The following DEF8 variants were observed in gnomAD, a reference collection of about 807,000 sequenced individuals.
The protein encoded by DEF8 is DEF-8.
DEF8 carries 38 observed loss-of-function variants against 59.1 expected under a neutral mutation model. The ratio of observed to expected loss-of-function variants is 0.64; its 90% CI spans 0.50 to 0.84. The LOEUF is 0.84. Among genes scored for constraint, DEF8 ranks in the 40% least tolerant of loss-of-function variants. The pLI is 0.00. For missense variants in DEF8, 557 were observed against 615.2 expected, an observed-to-expected ratio of 0.91 and a Z score of 1.00; for synonymous variants, 265 against 250.1, an observed-to-expected ratio of 1.06 and a Z score of -0.56.
rs755092309 is a variant in DEF8, at chr16:89,959,004, C to G, written c.373-10C>G. Reference sequence around the variant, plus strand: ...CACCTGTGACCCCCTCCCTGACTCACCCTCTGCAGGACCCCAATGAGGATG... The same window carrying G: ...CACCTGTGACCCCCTCCCTGACTCAGCCTCTGCAGGACCCCAATGAGGATG... On this transcript the variant is annotated splice_polypyrimidine_tract_variant and intron_variant, in intron 5 of 12. Transcript: ENST00000563594. 1.2e-6 allele frequency: 2 copies of G among 1,609,638 alleles called. No homozygotes were observed. The highest frequency in any genetic ancestry group is 8.5e-7 in the Non-Finnish European group (1 of 1,179,932).
chr16:89,953,643 C>G (rs1413092373), intron 2 of DEF8, among the ~76,000 whole-genome samples: 5 of 152,174 alleles, frequency 3.3e-5, no homozygotes, highest in Non-Finnish European at 7.3e-5. Context: ...ATCCCCTGCT[C>G]CTGGGCATGG....
chr16:89,961,305 A>C (rs1055457667), intron 7 of DEF8, among the ~76,000 whole-genome samples: 41 of 152,108 alleles, frequency 2.7e-4, no homozygotes, highest in African/African-American at 8.7e-4. Flanking sequence ...TCCGTGACTC[A>C]CCCAGGTCAC....
At position 89,961,718 on chromosome 16, in the gene DEF8, G is replaced by A. The variant is rs1421559910; in HGVS notation, c.680-19G>A. 6.2e-7 allele frequency: 1 copy of A among 1,612,148 alleles called. No homozygotes were observed. The highest frequency in any genetic ancestry group is 1.7e-5 in the Admixed American group (1 of 59,980). ...GTTTTTGTGAGGCAGGGACACTCAG[G>A]GCCCCTCTGACCCTGCAGGGGGTGT... On this transcript the variant is annotated intron_variant, in intron 7 of 12. Transcript: ENST00000563594.
chr16:89,951,194 G>T (rs1481805223), intron 2 of DEF8, among the ~76,000 whole-genome samples: 1 of 152,096 alleles, frequency 6.6e-6, no homozygotes, highest in African/African-American at 2.4e-5. Flanking sequence ...AGCAGAGTTG[G>T]GATTCAAGCT....
chr16:89,949,636 C>G (rs1429612428), intron 2 of DEF8, 123 bp downstream of exon 2: 7 of 1,609,270 alleles, frequency 4.3e-6, no homozygotes, highest in Middle Eastern at 3.3e-4. Flanking sequence ...CGCGGGAGGC[C>G]AGGTCCGTGC....
chr16:89,965,909 C>T lies in DEF8; in HGVS notation c.1302C>T (p.Leu434=), dbSNP rs768224225. ...CCACTTGTCCCAAGTGTGCCCGGCT[C>T]AGCCTGAGGAAGCAGTCGCTCTTCC... ...NSTTCPKCAR[L]SLRKQSLFQE... Residue 434 remains leucine, a synonymous_variant, in exon 13 of 13, where the codon CTC becomes CTT. Coordinates refer to ENST00000563594, the MANE Select transcript of DEF8 (RefSeq NM_001242818.2). 3 of 1,613,778 alleles carry T rather than the reference C, an allele frequency of 1.9e-6. No homozygotes were observed. Among genetic ancestry groups the T allele is most frequent in the South Asian group, 1.1e-5 (1 of 91,066 alleles).
chr16:89,961,613 A>G, intron 7 of DEF8, 124 bp from the exon 8 acceptor site: 2 of 1,232,944 alleles, frequency 1.6e-6, no homozygotes, highest in Non-Finnish European at 2.3e-6. Flanking sequence ...CTTCCGGCTG[A>G]GGATAGGACA....
intron 2 of DEF8, among the ~76,000 whole-genome samples, chr16:89,951,405 C>T (rs560030069): frequency 1.2e-4 from 18 of 152,156 alleles, no homozygotes; most frequent in Non-Finnish European, 2.4e-4. Flanking sequence ...CCACCACGCC[C>T]GGCTAATTTT....
intron 4 of DEF8, among the ~76,000 whole-genome samples, chr16:89,956,231 C>T (rs572261438): frequency 9.9e-5 from 15 of 152,046 alleles, no homozygotes; most frequent in African/African-American, 2.4e-4. Flanking sequence ...CCGAGGCGGG[C>T]GGATCGTGAG....
rs1267313708 is a variant in DEF8, at chr16:89,964,588, T to A, written c.1253+13T>A. On this transcript the variant is annotated intron_variant, in intron 12 of 12. Coordinates refer to ENST00000563594, the MANE Select transcript of DEF8 (RefSeq NM_001242818.2). ...CGGTCTTCCACAGGTGGGTGTGGCC[T>A]GGGCCCCGCACTCGGGGGCTGGGGC... The A allele has an allele frequency of 5.8e-6, 9 of 1,546,438 alleles. No homozygotes were observed. The highest frequency in any genetic ancestry group is 7.9e-6 in the Non-Finnish European group (9 of 1,146,306).
rs774175272 is a variant in DEF8 at position 89,949,486 on chromosome 16, A to T, written c.-38A>T. The T allele has an allele frequency of 4.3e-6, 7 of 1,612,758 alleles. No homozygotes were observed. In the East Asian group the frequency reaches 1.6e-4, roughly 36 times the overall value. ...GAGGAATGGCCATCCTGTCCCTGCG[A>T]GCCCCTGGGCCCTGGCAGGCGATGC... On this transcript the variant is annotated 5_prime_UTR_variant, in exon 2 of 13. Coordinates refer to ENST00000563594, the MANE Select transcript of DEF8 (RefSeq NM_001242818.2).
In DEF8 at chr16:89,967,377, G is replaced by GTC. The variant is rs2034656126; in HGVS notation, c.*1417_*1418dup. On this transcript the variant is annotated 3_prime_UTR_variant, in exon 13 of 13. Transcript: ENST00000563594. The stretch of plus-strand genomic sequence containing the variant: ...TTCCAGGAGTGGGAGAGACGGCAGG[G>GTC]TCTCCTCTTTGTCCTCCGGCATCAG... The GTC allele has an allele frequency of 2.5e-6, 1 of 398,670 alleles. No homozygotes were observed. Among genetic ancestry groups the GTC allele is most frequent in the Non-Finnish European group, 4.4e-6 (1 of 226,088 alleles). The allele number at this position is 398,670 out of a possible 1,614,324, so 24.7% of individuals were successfully genotyped here.
intron 4 of DEF8, 122 bp from the exon 5 acceptor site, chr16:89,957,389 T>G: frequency 1.8e-5 from 20 of 1,123,142 alleles, no homozygotes; most frequent in Non-Finnish European, 2.0e-5. Flanking sequence ...CCCTCTGGGT[T>G]GAGTTTCCTT....
rs1346862126 is a variant in DEF8, at chr16:89,954,226, C to T, written c.-10-17C>T. On this transcript the variant is annotated splice_polypyrimidine_tract_variant and intron_variant, in intron 2 of 12. Transcript: ENST00000563594. The surrounding 1 kb of genome is among the most constrained non-coding windows in gnomAD (Gnocchi z 4.3). ...CCTGGTACCTGGGGACTCATCCTGG[C>T]CCTGCCTGGCCCTCAGGTGGGATGC... 1 of 1,609,042 alleles carries T rather than the reference C, an allele frequency of 6.2e-7. No individual in the cohort carries two copies. The highest frequency in any genetic ancestry group is 1.1e-5 in the South Asian group (1 of 90,514).
At position 89,954,258 on chromosome 16, in the gene DEF8, A is replaced by G. The variant is rs202195594; in HGVS notation, c.6A>G (p.Glu2=). The change falls in exon 3 of 13, where the codon GAA becomes GAG. Residue 2 remains glutamate, a synonymous_variant. Coordinates refer to ENST00000563594, the MANE Select transcript of DEF8 (RefSeq NM_001242818.2). The surrounding 1 kb of genome is among the most constrained non-coding windows in gnomAD (Gnocchi z 4.3). The stretch of plus-strand genomic sequence containing the variant: ...TGGCCCTCAGGTGGGATGCTATGGA[A>G]TATGATGAGAAGCTGGCCCGTTTCC... M[E]YDEKLARFRQ... is the part of the protein sequence containing the mutation. 7 of 1,612,542 alleles carry G rather than the reference A, an allele frequency of 4.3e-6. No homozygotes were observed. The highest frequency in any genetic ancestry group is 4.0e-5 in the African/African-American group (3 of 74,974).
In DEF8 at chr16:89,961,810, C is replaced by T. The variant is rs1374182488; in HGVS notation, c.753C>T (p.Asp251=). The T allele has an allele frequency of 6.2e-7, 1 of 1,613,008 alleles. No homozygotes were observed. The highest frequency in any genetic ancestry group is 1.7e-5 in the Admixed American group (1 of 59,886). Residue 251 remains aspartate (D), a synonymous_variant, in exon 8 of 13, where the codon GAC becomes GAT. Transcript: ENST00000563594. ...QYYCSHCHWN[D]LAVIPARVVH... ...ACTGCAGCCACTGCCACTGGAACGA[C>T]CTGGCTGTGATCCCTGCACGCGTTG... is the stretch of plus-strand genomic sequence containing the variant.
intron 4 of DEF8, chr16:89,956,837 C>G (rs896332914): frequency 2.0e-5 from 3 of 152,246 alleles, no homozygotes; most frequent in Non-Finnish European, 4.4e-5. Flanking sequence ...ATTTTGAGCA[C>G]TTCCTTTGGG....
At chr16:89,958,160 T>C (rs2033516146) in intron 5 of DEF8, 1 of 155,898 alleles carries the variant, frequency 6.4e-6, no homozygotes, top group South Asian at 1.9e-4. Flanking sequence ...CCTGACCGGA[T>C]GACAGTGGCT....
intron 10 of DEF8, 59 bp downstream of exon 10, chr16:89,963,502 C>T (rs1265800790): frequency 5.4e-6 from 8 of 1,484,360 alleles, no homozygotes; most frequent in South Asian, 1.2e-5. Flanking sequence ...GGTGAGGCAC[C>T]TCAGGCTCAG....
Sources: allele counts gnomAD v4.1 joint callset (sites outside exome capture counted in the v4.1 genomes callset), GRCh38; gene constraint gnomAD v4.1.1; non-coding constraint Gnocchi (gnomAD v3.1); transcripts MANE v1.5; gene names NCBI Gene and HGNC (gene_info 2026-07-23, HGNC 2026-07-21).